Variants in MIPOL1 observed in about 807,000 individuals in gnomAD.
The protein encoded by MIPOL1 is mirror-image polydactyly 1.
A neutral mutation model predicts 60.9 loss-of-function variants in MIPOL1; 57 were observed. The ratio of observed to expected loss-of-function variants is 0.94; its 90% confidence interval spans 0.76 to 1.17. MIPOL1 has a LOEUF of 1.17. Among genes scored for constraint, MIPOL1 ranks in the 50% most tolerant of loss-of-function variants. The pLI is 0.00. For missense variants in MIPOL1, 551 were observed against 511.6 expected, an observed-to-expected ratio of 1.08 and a Z score of -0.74; for synonymous variants, 179 against 168.8, an observed-to-expected ratio of 1.06 and a Z score of -0.47.
intron 12 of MIPOL1, among the ~76,000 whole-genome samples, chr14:37,528,753 T>C (rs941927208): frequency 6.6e-6 from 1 of 152,198 alleles, no homozygotes; most frequent in African/African-American, 2.4e-5. Flanking sequence ...TTTTTAAATA[T>C]GCTTTTTTTA....
At chr14:37,437,426 T>A (rs2415403) in intron 11 of MIPOL1, among the ~76,000 whole-genome samples, 151,239 of 152,268 alleles carry the variant, frequency 0.99, 75,116 homozygotes, top group Middle Eastern at 1. Flanking sequence ...TTTTTGAAAA[T>A]ATTACATGAA....
chr14:37,530,767 G>C (rs2095473947), intron 12 of MIPOL1, among the ~76,000 whole-genome samples: 1 of 151,942 alleles, frequency 6.6e-6, no homozygotes, highest in Non-Finnish European at 1.5e-5. Context: ...GTAGCCTGAT[G>C]TGTGAATATT....
chr14:37,493,425 A>G (rs2095073683), intron 11 of MIPOL1, among the ~76,000 whole-genome samples: 1 of 152,164 alleles, frequency 6.6e-6, no homozygotes, highest in Non-Finnish European at 1.5e-5. Context: ...ACATAAAGTA[A>G]TAGACCAGGG....
Position 37,369,433 on chromosome 14 carries a change from G to C in MIPOL1, c.829-84G>C, listed in dbSNP as rs989916527. 129 of 844,546 alleles carry C rather than the reference G, an allele frequency of 1.5e-4. No homozygotes were observed. In the African/African-American group the frequency reaches 1.6e-3, roughly 11 times the overall value. The allele number at this position is 844,546 out of a possible 1,614,324, so 52.3% of individuals were successfully genotyped here. On this transcript the variant is annotated intron_variant, in intron 9 of 12. Transcript: ENST00000684589. ...AACCTTGTCTTTTAGAGAATACAAT[G>C]ATATTATTTACATTAATTCATGTGG... is the stretch of plus-strand genomic sequence containing the variant.
chr14:37,342,428 C>T (rs1165797527), intron 9 of MIPOL1, among the ~76,000 whole-genome samples: 1 of 150,176 alleles, frequency 6.7e-6, no homozygotes, highest in East Asian at 2.0e-4. Context: ...TTTGGAATCT[C>T]GCTCTGTCAC....
chr14:37,534,785 T>C (rs542932492), intron 12 of MIPOL1, among the ~76,000 whole-genome samples: 4 of 152,314 alleles, frequency 2.6e-5, no homozygotes, highest in Non-Finnish European at 2.9e-5. Flanking sequence ...TGTTACGTAC[T>C]TTCCTAATAG....
chr14:37,492,442 GT>G, intron 11 of MIPOL1, among the ~76,000 whole-genome samples: 1 of 152,282 alleles, frequency 6.6e-6, no homozygotes, highest in East Asian at 1.9e-4. Flanking sequence ...TCAGTAAAAT[GT>G]TTATAAAATA....
At chr14:37,372,883 A>G (rs1233077403) in intron 10 of MIPOL1, among the ~76,000 whole-genome samples, 1 of 140,124 alleles carries the variant, frequency 7.1e-6, no homozygotes, top group Non-Finnish European at 1.5e-5. Context: ...TGATACTAGT[A>G]TATATTCTGA....
rs535742678 is a variant in MIPOL1, at chr14:37,385,971, A to G, written c.936+16347A>G. On this transcript the variant is annotated intron_variant, in intron 10 of 12. Coordinates refer to ENST00000684589, the MANE Select transcript of MIPOL1 (RefSeq NM_001388067.1). ...GTTTTCTTTTTATATCTTTTGCTTT[A>G]TAGGAGTGGTTTTTAAAAATATGTT... Among the ~76,000 whole-genome samples, 2 of 152,056 alleles carry G rather than the reference A, an allele frequency of 1.3e-5. 1 individual carries two copies. Among genetic ancestry groups the G allele is most frequent in the South Asian group, 4.1e-4 (2 of 4,828 alleles).
At chr14:37,210,000 C>T (rs57054655) in intron 1 of MIPOL1, among the ~76,000 whole-genome samples, 6,655 of 152,134 alleles carry the variant, frequency 0.044, 333 homozygotes, top group African/African-American at 0.12. Context: ...TGAGCCACTG[C>T]ACCCTGCCAG....
At chr14:37,396,729 A>G (rs775866732) in intron 10 of MIPOL1, among the ~76,000 whole-genome samples, 1 of 151,960 alleles carries the variant, frequency 6.6e-6, no homozygotes, top group Non-Finnish European at 1.5e-5. Flanking sequence ...CTTGTCTTCA[A>G]GCTCTGAATT....
intron 12 of MIPOL1, among the ~76,000 whole-genome samples, chr14:37,541,379 C>T (rs769645954): frequency 2.0e-5 from 3 of 152,138 alleles, no homozygotes; most frequent in Non-Finnish European, 2.9e-5. Flanking sequence ...CTTATGTCCT[C>T]GTCTTTTTCA....
At chr14:37,274,487 C>G (rs2153396752) in intron 6 of MIPOL1, among the ~76,000 whole-genome samples, 1 of 151,458 alleles carries the variant, frequency 6.6e-6, no homozygotes, top group Admixed American at 6.6e-5. Flanking sequence ...ACAAATCAAA[C>G]AAATATTTAT....
intron 10 of MIPOL1, among the ~76,000 whole-genome samples, chr14:37,403,014 T>TAA (rs2093515645): frequency 6.6e-6 from 1 of 152,196 alleles, no homozygotes; most frequent in South Asian, 2.1e-4. Flanking sequence ...GATTAGCTGT[T>TAA]ACATTGCTTG....
At chr14:37,440,582 C>A (rs1040153543) in intron 11 of MIPOL1, among the ~76,000 whole-genome samples, 5 of 152,082 alleles carry the variant, frequency 3.3e-5, no homozygotes, top group Non-Finnish European at 7.4e-5. Flanking sequence ...CGGTTCCATT[C>A]GTGTTGCTAC....
intron 10 of MIPOL1, among the ~76,000 whole-genome samples, chr14:37,412,041 A>G (rs1339898948): frequency 6.6e-6 from 1 of 152,132 alleles, no homozygotes; most frequent in Non-Finnish European, 1.5e-5. Flanking sequence ...ATTTAGGTTC[A>G]GAAGCCTTAA....
chr14:37,214,700 G>C (rs1270106866), intron 1 of MIPOL1, among the ~76,000 whole-genome samples: 2 of 152,130 alleles, frequency 1.3e-5, no homozygotes, highest in Non-Finnish European at 2.9e-5. Context: ...ATGGTGAGAA[G>C]TGACCAGAAG....
intron 12 of MIPOL1, chr14:37,503,610 A>G (rs2095246124): frequency 6.6e-6 from 1 of 152,040 alleles, no homozygotes; most frequent in South Asian, 2.1e-4. Flanking sequence ...AGGAAGCACT[A>G]AACATGGAAA....
chr14:37,362,279 T>A (rs1340515264), intron 9 of MIPOL1, among the ~76,000 whole-genome samples: 1 of 152,198 alleles, frequency 6.6e-6, no homozygotes, highest in Non-Finnish European at 1.5e-5. Flanking sequence ...AGTGCTTCCT[T>A]CAGGAGCTCT....
Sources: allele counts gnomAD v4.1 joint callset (sites outside exome capture counted in the v4.1 genomes callset), GRCh38; gene constraint gnomAD v4.1.1; transcripts MANE v1.5; gene names NCBI Gene and HGNC (gene_info 2026-07-23, HGNC 2026-07-21).